The following TLL1 variants were observed in gnomAD, a reference collection of about 807,000 sequenced individuals.
TLL1 encodes tolloid like 1, also known as tolloid-like protein 1.
A neutral mutation model predicts 128.2 loss-of-function variants in TLL1; 49 were observed. The ratio of observed to expected loss-of-function variants is 0.38; its 90% CI spans 0.30 to 0.48. The LOEUF (loss-of-function observed/expected upper bound fraction) is 0.48, where lower values mean the gene tolerates loss of function less well. TLL1 is among the 20% of genes least tolerant of loss of function. The pLI, the probability that TLL1 is intolerant of heterozygous loss-of-function variation, is 0.96. For synonymous variants in TLL1, 454 were observed against 418.8 expected, an observed-to-expected ratio of 1.08 and a Z score of -1.03; for missense variants, 1,123 against 1,242.0, an observed-to-expected ratio of 0.90 and a Z score of 1.44.
intron 5 of TLL1, 150 bp downstream of exon 5, chr4:165,995,328 A>C: frequency 1.5e-6 from 1 of 666,688 alleles, no homozygotes; most frequent in Non-Finnish European, 2.7e-6. Context: ...ATTATATACT[A>C]GGTATGTGTA....
At chr4:166,053,804 G>A (rs1309326586) in intron 12 of TLL1, among the ~76,000 whole-genome samples, 1 of 151,972 alleles carries the variant, frequency 6.6e-6, no homozygotes, top group East Asian at 1.9e-4. Context: ...GACAACATTT[G>A]ATACTTTTCT....
intron 5 of TLL1, among the ~76,000 whole-genome samples, chr4:165,998,105 T>G (rs867978130): frequency 6.6e-6 from 1 of 152,144 alleles, no homozygotes; most frequent in Non-Finnish European, 1.5e-5. Flanking sequence ...TTTTCCTTAT[T>G]TTTTTCTTCA....
At chr4:165,882,652 C>G (rs1731011761) in intron 1 of TLL1, among the ~76,000 whole-genome samples, 1 of 151,976 alleles carries the variant, frequency 6.6e-6, no homozygotes, top group Non-Finnish European at 1.5e-5. Flanking sequence ...GGGTTTTGCT[C>G]TTGTTGCCCA....
chr4:166,017,242 A>T (rs1737990741), intron 8 of TLL1, among the ~76,000 whole-genome samples: 1 of 152,186 alleles, frequency 6.6e-6, no homozygotes, highest in Non-Finnish European at 1.5e-5. Flanking sequence ...CTCCAGCTCC[A>T]TTCACATGGC....
chr4:165,997,702 G>A (rs1162916440), intron 5 of TLL1, among the ~76,000 whole-genome samples: 1 of 152,148 alleles, frequency 6.6e-6, no homozygotes, highest in Non-Finnish European at 1.5e-5. Context: ...CAGGCCTTTA[G>A]TAGATGGGAA....
intron 1 of TLL1, among the ~76,000 whole-genome samples, chr4:165,911,613 G>A (rs1732532056): frequency 6.6e-6 from 1 of 152,078 alleles, no homozygotes; most frequent in Non-Finnish European, 1.5e-5. Flanking sequence ...GAATCTGCTT[G>A]ATTTTTGTCA....
intron 1 of TLL1, among the ~76,000 whole-genome samples, chr4:165,975,523 GA>G (rs964791397): frequency 1.3e-5 from 2 of 152,060 alleles, no homozygotes; most frequent in Non-Finnish European, 2.9e-5. Flanking sequence ...GACTAAAAAA[GA>G]AATAATGTCT....
intron 18 of TLL1, among the ~76,000 whole-genome samples, chr4:166,084,893 G>T (rs892561041): frequency 6.6e-6 from 1 of 151,202 alleles, no homozygotes; most frequent in African/African-American, 2.4e-5. Context: ...TCTTTTTATG[G>T]TTCCATACAC....
chr4:166,098,976 T>C (rs765508387), intron 19 of TLL1, among the ~76,000 whole-genome samples: 6 of 152,102 alleles, frequency 3.9e-5, no homozygotes, highest in Non-Finnish European at 7.4e-5. Flanking sequence ...CTAAAATTGG[T>C]ACCATTATTT....
chr4:166,025,379 A>G lies in TLL1; in HGVS notation c.1106A>G (p.Tyr369Cys), dbSNP rs767680646. The G allele has an allele frequency of 5.6e-6, 9 of 1,613,846 alleles. No homozygotes were observed. In the East Asian group the frequency reaches 2.0e-4, roughly 36 times the overall value. Reference protein sequence around the residue: ...NLSSPGFPNGYPSYTHCIWRV... With the variant: ...NLSSPGFPNGCPSYTHCIWRV... ...TCCTCTCCAGGATTTCCCAATGGCT[A>G]CCCTTCTTACACACACTGCATCTGG... is the stretch of plus-strand genomic sequence containing the variant. Residue 369 changes from tyrosine (Y) to cysteine (C), a missense_variant, in exon 9 of 21, where the codon TAC becomes TGC. By Grantham distance (194) the Tyr-to-Cys change is radical. This residue lies in a region of TLL1 where 480 missense variants were observed against 542.4 expected (regional missense o/e 0.89). Coordinates refer to ENST00000061240, the MANE Select transcript of TLL1 (RefSeq NM_012464.5).
intron 7 of TLL1, among the ~76,000 whole-genome samples, chr4:166,012,606 T>G (rs1371991300): frequency 6.6e-6 from 1 of 151,668 alleles, no homozygotes; most frequent in Non-Finnish European, 1.5e-5. Flanking sequence ...TAATTTGGGT[T>G]TATGTAATTA....
chr4:165,902,619 A>G (rs1375844769), intron 1 of TLL1, among the ~76,000 whole-genome samples: 1 of 152,088 alleles, frequency 6.6e-6, no homozygotes, highest in Non-Finnish European at 1.5e-5. Context: ...ATCCAGTCCC[A>G]GTGAGATGAG....
rs1343560700 is a variant in TLL1, at chr4:166,100,724, G to A, written c.2908-18G>A. 2 of 1,612,412 alleles carry A rather than the reference G, an allele frequency of 1.2e-6. No homozygotes were observed. Among genetic ancestry groups the A allele is most frequent in the Non-Finnish European group, 1.7e-6 (2 of 1,178,946 alleles). On this transcript the variant is annotated intron_variant, in intron 20 of 20. Transcript: ENST00000061240. ...TTTATTGCTTGTTTACTTGCTTGTT[G>A]TTTTTGTTTTCCTTCAGCCACCAGA...
Position 165,991,413 on chromosome 4 carries a change from T to C in TLL1, c.281-1391T>C, listed in dbSNP as rs186176792. On this transcript the variant is annotated intron_variant, in intron 2 of 20. Transcript: ENST00000061240. Reference sequence around the variant, plus strand: ...TACATAATGGTCATTTCAAACATCATTGATGCCATACTTTTAAAATGTTTC... The same window carrying C: ...TACATAATGGTCATTTCAAACATCACTGATGCCATACTTTTAAAATGTTTC... Among the ~76,000 whole-genome samples the C allele has an allele frequency of 4.6e-5, 7 of 152,158 alleles. No homozygotes were observed. In the East Asian group the frequency reaches 1.2e-3, roughly 25 times the overall value.
chr4:165,984,628 G>A (rs536541865), intron 1 of TLL1, among the ~76,000 whole-genome samples: 34 of 151,984 alleles, frequency 2.2e-4, no homozygotes, highest in African/African-American at 7.9e-4. Flanking sequence ...TGGAAAAAGT[G>A]TAATGAACAA....
chr4:166,059,580 C>G (rs1341475537), intron 14 of TLL1, among the ~76,000 whole-genome samples: 2 of 152,018 alleles, frequency 1.3e-5, no homozygotes, highest in Non-Finnish European at 2.9e-5. Flanking sequence ...GGTTTTATTA[C>G]ATCATCCTAA....
At chr4:165,973,809 G>A (rs1027827070) in intron 1 of TLL1, among the ~76,000 whole-genome samples, 1 of 151,902 alleles carries the variant, frequency 6.6e-6, no homozygotes, top group Non-Finnish European at 1.5e-5. Flanking sequence ...GGAAATACAG[G>A]TGTGAGCCAC....
intron 1 of TLL1, among the ~76,000 whole-genome samples, chr4:165,915,045 T>C (rs1290033199): frequency 6.6e-6 from 1 of 152,108 alleles, no homozygotes; most frequent in Non-Finnish European, 1.5e-5. Flanking sequence ...TAATTCTAAT[T>C]TATTTGAGTT....
intron 1 of TLL1, among the ~76,000 whole-genome samples, chr4:165,897,662 CTTT>C (rs951819686): frequency 8.4e-5 from 4 of 47,540 alleles, no homozygotes; most frequent in African/African-American, 2.7e-4. Flanking sequence ...GGTAGTCCAG[CTTT>C]TTTTTTTTTT....
Sources: allele counts gnomAD v4.1 joint callset (sites outside exome capture counted in the v4.1 genomes callset), GRCh38; gene constraint gnomAD v4.1.1; regional missense constraint gnomAD v4.1.1; transcripts MANE v1.5; gene names NCBI Gene and HGNC (gene_info 2026-07-23, HGNC 2026-07-21).